VAT1L: variants seen among roughly 807,000 people sequenced by gnomAD.
VAT1L encodes putative NADPH-dependent quinone oxidoreductase VAT1L.
In VAT1L, 34 loss-of-function variants were observed where a neutral mutation model predicts 44.1. That is an observed-to-expected ratio of 0.77 (90% confidence interval 0.59 to 1.03). VAT1L has a LOEUF of 1.03. VAT1L is among the 50% of genes least tolerant of loss of function. VAT1L has a pLI of 0.00. For synonymous variants in VAT1L, 253 were observed against 202.2 expected, an observed-to-expected ratio of 1.25 and a Z score of -2.13; for missense variants, 615 against 538.8, an observed-to-expected ratio of 1.14 and a Z score of -1.40.
intron 1 of VAT1L, among the ~76,000 whole-genome samples, chr16:77,805,918 A>C (rs2016150376): frequency 2.4e-5 from 3 of 122,668 alleles, no homozygotes. Context: ...GCTGGAGAGC[A>C]ATGGTGAGAT....
intron 8 of VAT1L, among the ~76,000 whole-genome samples, 173 bp from the exon 9 acceptor site, chr16:77,977,424 A>C (rs559206761): frequency 6.6e-6 from 1 of 152,278 alleles, no homozygotes; most frequent in Admixed American, 6.5e-5. Context: ...TTATCTCAGC[A>C]CCGTCTCTCA....
chr16:77,859,574 T>G (rs2016895204), intron 3 of VAT1L, among the ~76,000 whole-genome samples: 1 of 152,168 alleles, frequency 6.6e-6, no homozygotes, highest in South Asian at 2.1e-4. Flanking sequence ...TTCAGTGTTG[T>G]GTTTGAGAAA....
chr16:77,971,637 C>T (rs546428072), intron 7 of VAT1L, among the ~76,000 whole-genome samples: 2 of 152,038 alleles, frequency 1.3e-5, no homozygotes, highest in Non-Finnish European at 2.9e-5. Context: ...CTCACTTTTC[C>T]GACCCAGAAG....
chr16:77,929,789 G>A (rs139848557), intron 7 of VAT1L, among the ~76,000 whole-genome samples: 24 of 152,254 alleles, frequency 1.6e-4, no homozygotes, highest in Admixed American at 7.2e-4. Flanking sequence ...CAAACTGTCC[G>A]AGGAGACCCA....
Position 77,851,602 on chromosome 16 carries a change from A to G in VAT1L, c.580-11146A>G, listed in dbSNP as rs758427067. 3.2e-4 allele frequency among the ~76,000 whole-genome samples: 48 copies of G among 152,098 alleles called. 1 individual carries two copies. The highest frequency in any genetic ancestry group is 3.9e-4 in the East Asian group (2 of 5,180). On this transcript the variant is annotated intron_variant, in intron 3 of 8. Transcript: ENST00000302536. ...CAAGAGTTTGAGTTTACTGCAAGCT[A>G]TGATCATGCCACTGTACCTCAGCCT...
chr16:77,911,941 G>A (rs1055872204), intron 7 of VAT1L, among the ~76,000 whole-genome samples: 1 of 152,142 alleles, frequency 6.6e-6, no homozygotes, highest in Non-Finnish European at 1.5e-5. Flanking sequence ...GGTATGTTAG[G>A]TTGATTTATG....
Position 77,979,481 on chromosome 16 carries a change from G to T in VAT1L, c.*1786G>T, listed in dbSNP as rs902114558. ...TCTCCCGTAACCATGCTGAAAAGGG[G>T]GTCTTAGGGAGAACTGTCATCCAAG... On this transcript the variant is annotated 3_prime_UTR_variant, in exon 9 of 9. Coordinates refer to ENST00000302536, the MANE Select transcript of VAT1L (RefSeq NM_020927.3). 4 of 152,088 alleles carry T rather than the reference G, an allele frequency of 2.6e-5. No homozygotes were observed. Among genetic ancestry groups the T allele is most frequent in the African/African-American group, 9.7e-5 (4 of 41,400 alleles). 9.4% of individuals were successfully genotyped at this position (152,088 alleles called of 1,614,324 possible). A position where few individuals can be genotyped will look rare whatever the true frequency, so the allele number is the denominator to read the frequency against.
In VAT1L at chr16:77,804,444, T is replaced by C. The variant is rs111879297; in HGVS notation, c.234-12477T>C. Among the ~76,000 whole-genome samples the C allele has an allele frequency of 6.4e-3, 968 of 152,318 alleles. 4 individuals carry two copies. Among genetic ancestry groups the C allele is most frequent in the African/African-American group, 0.022 (933 of 41,574 alleles). On this transcript the variant is annotated intron_variant, in intron 1 of 8. Transcript: ENST00000302536. Reference sequence around the variant, plus strand: ...TTAGATTCTCAATATGTCTCCTGGCTGTTTTGTTCTGTGTTGGAAATACTA... The same window carrying C: ...TTAGATTCTCAATATGTCTCCTGGCCGTTTTGTTCTGTGTTGGAAATACTA...
intron 3 of VAT1L, among the ~76,000 whole-genome samples, chr16:77,842,594 C>T (rs2016718245): frequency 6.6e-6 from 1 of 152,144 alleles, no homozygotes; most frequent in Non-Finnish European, 1.5e-5. Flanking sequence ...GAACATGATA[C>T]TTTGAGAGAG....
chr16:77,829,532 T>C (rs2016557266), intron 3 of VAT1L, among the ~76,000 whole-genome samples: 1 of 152,244 alleles, frequency 6.6e-6, no homozygotes, highest in Admixed American at 6.5e-5. Flanking sequence ...GCCTCCATGC[T>C]CTGTCATATC....
intron 7 of VAT1L, among the ~76,000 whole-genome samples, chr16:77,960,530 G>A (rs1159981212): frequency 6.6e-6 from 1 of 152,136 alleles, no homozygotes; most frequent in African/African-American, 2.4e-5. Flanking sequence ...TTGTGAAGAG[G>A]CATAGCTACT....
At chr16:77,934,628 G>C (rs553461791) in intron 7 of VAT1L, among the ~76,000 whole-genome samples, 2 of 152,222 alleles carry the variant, frequency 1.3e-5, no homozygotes, top group South Asian at 4.2e-4. Context: ...TTTGTTATAG[G>C]AACCATAGGG....
At position 77,883,542 on chromosome 16, in the gene VAT1L, C is replaced by T. The variant is rs539405900; in HGVS notation, c.883-1066C>T. On this transcript the variant is annotated intron_variant, in intron 6 of 8. Coordinates refer to ENST00000302536, the MANE Select transcript of VAT1L (RefSeq NM_020927.3). ...TGGATTATTCTTTGCTGTGAATATT[C>T]TTTGTCCTGAGCACTGTGGGATGTT... 8.5e-5 allele frequency among the ~76,000 whole-genome samples: 13 copies of T among 152,250 alleles called. No individual in the cohort carries two copies. In the South Asian group the frequency reaches 2.7e-3, roughly 32 times the overall value.
chr16:77,926,494 G>A (rs373415247), intron 7 of VAT1L, among the ~76,000 whole-genome samples: 45 of 152,082 alleles, frequency 3.0e-4, no homozygotes, highest in Middle Eastern at 3.2e-3. Flanking sequence ...TGAGACAGGA[G>A]AATCGCTTGA....
At chr16:77,909,884 C>T (rs940160395) in intron 7 of VAT1L, among the ~76,000 whole-genome samples, 1 of 152,156 alleles carries the variant, frequency 6.6e-6, no homozygotes, top group African/African-American at 2.4e-5. Context: ...CAACCCAGTC[C>T]AGCCTGCTCG....
In VAT1L at chr16:77,879,164, T is replaced by C. The variant is rs1302635091; in HGVS notation, c.827-5T>C. On this transcript the variant is annotated splice_polypyrimidine_tract_variant and splice_region_variant and intron_variant, in intron 5 of 8. Coordinates refer to ENST00000302536, the MANE Select transcript of VAT1L (RefSeq NM_020927.3). This position sits in a 1 kb window ranked among gnomAD's most constrained non-coding sequence, Gnocchi z 4.1. ...TTGCTTAATGTGGGAATCTTTCATT[T>C]TCAGGCTCATCCAACATGGTAACTG... 2 of 1,614,090 alleles carry C rather than the reference T, an allele frequency of 1.2e-6. No homozygotes were observed. The highest frequency in any genetic ancestry group is 1.7e-5 in the Admixed American group (1 of 60,016).
At chr16:77,903,443 AAATT>A (rs2142478378) in intron 7 of VAT1L, among the ~76,000 whole-genome samples, 1 of 152,294 alleles carries the variant, frequency 6.6e-6, no homozygotes, top group East Asian at 1.9e-4. Flanking sequence ...CTGAGGGTGA[AAATT>A]AATATACATA....
intron 3 of VAT1L, among the ~76,000 whole-genome samples, chr16:77,829,220 A>G (rs1184066232): frequency 6.6e-6 from 1 of 152,306 alleles, no homozygotes; most frequent in Admixed American, 6.5e-5. Context: ...CTCAGCATAG[A>G]TGTTTTCAAG....
chr16:77,923,852 C>T (rs2017638197), intron 7 of VAT1L, among the ~76,000 whole-genome samples: 1 of 152,180 alleles, frequency 6.6e-6, no homozygotes, highest in South Asian at 2.1e-4. Flanking sequence ...CTCATATGAG[C>T]TTAGCAGCCG....
Sources: gnomAD v4.1 joint callset for allele counts (sites outside exome capture counted in the v4.1 genomes callset) on GRCh38, gnomAD v4.1.1 for gene constraint, Gnocchi (gnomAD v3.1) non-coding constraint, MANE v1.5 for transcripts, NCBI Gene and HGNC (gene_info 2026-07-23, HGNC 2026-07-21) for gene names.